Variants in IQSEC1 observed in about 807,000 individuals in gnomAD.
IQSEC1 encodes the protein IQ motif and SEC7 domain-containing protein 1.
A neutral mutation model predicts 91.0 loss-of-function variants in IQSEC1; 31 were observed. The ratio of observed to expected loss-of-function variants is 0.34; its 90% confidence interval spans 0.26 to 0.46. IQSEC1 has a LOEUF of 0.46. IQSEC1 is among the 20% of genes least tolerant of loss of function. The pLI, the probability that IQSEC1 is intolerant of heterozygous loss-of-function variation, is 1.00. For synonymous variants in IQSEC1, 699 were observed against 662.6 expected, an observed-to-expected ratio of 1.05 and a Z score of -0.84; for missense variants, 1,388 against 1,575.6, an observed-to-expected ratio of 0.88 and a Z score of 2.02.
chr3:13,065,851 T>TG (rs1705212385), intron 1 of IQSEC1, among the ~76,000 whole-genome samples: 1 of 152,184 alleles, frequency 6.6e-6, no homozygotes, highest in Non-Finnish European at 1.5e-5. Context: ...CATCAATGGG[T>TG]GAATGGACAA....
At chr3:13,179,798 G>A (rs1366390349) in intron 1 of IQSEC1, among the ~76,000 whole-genome samples, 2 of 152,248 alleles carry the variant, frequency 1.3e-5, no homozygotes, top group African/African-American at 2.4e-5. Flanking sequence ...GGTGCTTGCG[G>A]GCCAGCGCGA....
intron 2 of IQSEC1, among the ~76,000 whole-genome samples, chr3:13,125,767 A>C (rs1706502483): frequency 6.6e-6 from 1 of 152,128 alleles, no homozygotes; most frequent in Non-Finnish European, 1.5e-5. Flanking sequence ...GACTCCAGAC[A>C]CCTCTGCCAC....
intron 2 of IQSEC1, among the ~76,000 whole-genome samples, chr3:13,127,059 C>T (rs561766413): frequency 1.3e-5 from 2 of 152,256 alleles, no homozygotes; most frequent in South Asian, 4.1e-4. Flanking sequence ...TATTTTTCCT[C>T]CATTAAATTG....
At chr3:13,277,412 G>T (rs1051572914) in intron 1 of IQSEC1, among the ~76,000 whole-genome samples, 1 of 152,146 alleles carries the variant, frequency 6.6e-6, no homozygotes, top group Non-Finnish European at 1.5e-5. Flanking sequence ...AGTGCCACTC[G>T]CTGTCTTCCT....
At chr3:13,086,508 C>G (rs918055959) in intron 2 of IQSEC1, among the ~76,000 whole-genome samples, 5 of 152,210 alleles carry the variant, frequency 3.3e-5, no homozygotes, top group Non-Finnish European at 1.5e-5. Context: ...TTTCTTCACC[C>G]TGGTTGGAGC....
chr3:13,033,850 T>A (rs11128629), intron 1 of IQSEC1, among the ~76,000 whole-genome samples: 27,219 of 152,074 alleles, frequency 0.18, 2,730 homozygotes, highest in South Asian at 0.36. Context: ...CCCAGTGCAA[T>A]TGTTCATTTC....
intron 3 of IQSEC1, among the ~76,000 whole-genome samples, chr3:12,925,415 G>A (rs1338570835): frequency 1.3e-5 from 2 of 152,174 alleles, no homozygotes; most frequent in Non-Finnish European, 2.9e-5. Context: ...GCCCAGACTC[G>A]GGAGCCCAAC....
chr3:13,030,258 T>C (rs937424916), intron 1 of IQSEC1, among the ~76,000 whole-genome samples: 1 of 152,088 alleles, frequency 6.6e-6, no homozygotes, highest in Admixed American at 6.5e-5. Flanking sequence ...CCACCACACG[T>C]AGCTATTTTT....
chr3:12,983,112 C>T lies in IQSEC1; in HGVS notation c.24-41247G>A, dbSNP rs13065759. Among the ~76,000 whole-genome samples, 6,497 of 152,256 alleles carry T rather than the reference C, an allele frequency of 0.043. 292 individuals are homozygous for T. Among genetic ancestry groups the T allele is most frequent in the Admixed American group, 0.13 (1,989 of 15,294 alleles). ...CCTTCCCCACTGTAACTCACTTGCA[C>T]CTGCCCCTCCTATGAGACAGGGACT... On this transcript the variant is annotated intron_variant, in intron 1 of 13. Coordinates refer to ENST00000613206, the MANE Select transcript of IQSEC1 (RefSeq NM_001134382.3). The surrounding 1 kb of genome is among the most constrained non-coding windows in gnomAD (Gnocchi z 4.3).
intron 10 of IQSEC1, among the ~76,000 whole-genome samples, chr3:12,911,297 A>C (rs1161176147): frequency 6.6e-6 from 1 of 152,228 alleles, no homozygotes; most frequent in Non-Finnish European, 1.5e-5. Context: ...CCATGTTTGC[A>C]TATCACCTAT....
At chr3:13,197,164 T>G (rs1183300384) in intron 1 of IQSEC1, among the ~76,000 whole-genome samples, 1 of 152,160 alleles carries the variant, frequency 6.6e-6, no homozygotes, top group Non-Finnish European at 1.5e-5. Flanking sequence ...TGAAGACATC[T>G]GAACAGATAT....
rs555550330 is a variant in IQSEC1, at chr3:12,900,487, A to G, written c.*496T>C. The G allele has an allele frequency of 1.3e-6, 1 of 766,008 alleles. No individual in the cohort carries two copies. Among genetic ancestry groups the G allele is most frequent in the East Asian group, 1.3e-4 (1 of 7,798 alleles). 47.5% of individuals were successfully genotyped at this position (766,008 alleles called of 1,614,324 possible). On this transcript the variant is annotated 3_prime_UTR_variant, in exon 14 of 14. Coordinates refer to ENST00000613206, the MANE Select transcript of IQSEC1 (RefSeq NM_001134382.3). ...TATATATTTATATATTTATATATTT[A>G]TATAAAGTTTACTTACGTATTTTCA...
intron 2 of IQSEC1, among the ~76,000 whole-genome samples, chr3:12,938,288 C>T (rs1007638667): frequency 6.6e-6 from 1 of 152,210 alleles, no homozygotes; most frequent in East Asian, 1.9e-4. Context: ...AGCGAGGGGT[C>T]TGTCAAGGAG....
intron 1 of IQSEC1, among the ~76,000 whole-genome samples, chr3:13,176,682 C>G (rs986888621): frequency 2.0e-5 from 3 of 152,228 alleles, no homozygotes; most frequent in Non-Finnish European, 2.9e-5. Flanking sequence ...GGACACCACA[C>G]CAAAGCACAG....
Position 12,900,457 on chromosome 3 carries a change from A to G in IQSEC1, c.*526T>C. 4.2e-6 allele frequency: 3 copies of G among 721,954 alleles called. No individual in the cohort carries two copies. Among genetic ancestry groups the G allele is most frequent in the Non-Finnish European group, 5.1e-6 (3 of 592,358 alleles). The allele number at this position is 721,954 out of a possible 1,614,324, so 44.7% of individuals were successfully genotyped here. A position where few individuals can be genotyped will look rare whatever the true frequency, so the allele number is the denominator to read the frequency against. ...CACAAGTACTACCTATACAGTATATATATATATATATTTATATATTTATAT... is the reference window on the plus strand; with the variant it reads ...CACAAGTACTACCTATACAGTATATGTATATATATATTTATATATTTATAT... On this transcript the variant is annotated 3_prime_UTR_variant, in exon 14 of 14. Coordinates refer to ENST00000613206, the MANE Select transcript of IQSEC1 (RefSeq NM_001134382.3).
chr3:12,979,926 C>T lies in IQSEC1; in HGVS notation c.24-38061G>A, dbSNP rs546460692. On this transcript the variant is annotated intron_variant, in intron 1 of 13. Coordinates refer to ENST00000613206, the MANE Select transcript of IQSEC1 (RefSeq NM_001134382.3). This position sits in a 1 kb window ranked among gnomAD's most constrained non-coding sequence, Gnocchi z 4.3. Reference sequence around the variant, plus strand: ...CGCAACAAGAAACAGCATACTCAAGCGAGAAATGATTTCCCGACTACCTGA... The same window carrying T: ...CGCAACAAGAAACAGCATACTCAAGTGAGAAATGATTTCCCGACTACCTGA... 4.6e-5 allele frequency among the ~76,000 whole-genome samples: 7 copies of T among 152,270 alleles called. No homozygotes were observed. Among genetic ancestry groups the T allele is most frequent in the Non-Finnish European group, 7.4e-5 (5 of 68,022 alleles).
chr3:13,083,832 T>C (rs1256341963), intron 2 of IQSEC1, among the ~76,000 whole-genome samples: 1 of 152,264 alleles, frequency 6.6e-6, no homozygotes, highest in African/African-American at 2.4e-5. Context: ...CCCCAGCACC[T>C]TGTGCGCAGC....
Position 12,908,241 on chromosome 3 carries a change from G to A in IQSEC1, c.2755+108C>T. On this transcript the variant is annotated intron_variant, in intron 12 of 13. Transcript: ENST00000613206. The surrounding 1 kb of genome is among the most constrained non-coding windows in gnomAD (Gnocchi z 4.9). The stretch of plus-strand genomic sequence containing the variant: ...GGAAGGTCAGGGGAAATGCCGCACT[G>A]GCTTCGCCGCAGGCCCTGCCCCGCG... 1 of 1,191,010 alleles carries A rather than the reference G, an allele frequency of 8.4e-7. No homozygotes were observed. The allele number at this position is 1,191,010 out of a possible 1,614,324, so 73.8% of individuals were successfully genotyped here.
intron 2 of IQSEC1, among the ~76,000 whole-genome samples, chr3:13,094,244 T>A (rs930406013): frequency 1.3e-5 from 2 of 151,812 alleles, no homozygotes; most frequent in Non-Finnish European, 2.9e-5. Flanking sequence ...GGCAGGGAGA[T>A]CATGGAAGAG....
Sources: gnomAD v4.1 joint callset for allele counts (sites outside exome capture counted in the v4.1 genomes callset) on GRCh38, gnomAD v4.1.1 for gene constraint, Gnocchi (gnomAD v3.1) non-coding constraint, MANE v1.5 for transcripts, NCBI Gene and HGNC (gene_info 2026-07-23, HGNC 2026-07-21) for gene names.